Variants in ZNF804A observed in about 807,000 individuals in gnomAD.
ZNF804A encodes zinc finger protein 804A.
In ZNF804A, 2 loss-of-function variants were observed where a neutral mutation model predicts 16.5. The observed-to-expected ratio is 0.12, with a 90% CI of 0.05 to 0.38. The LOEUF is 0.38. ZNF804A is among the 10% of genes least tolerant of loss of function. The pLI, the probability that ZNF804A is intolerant of heterozygous loss-of-function variation, is 0.99. For synonymous variants in ZNF804A, 534 were observed against 489.6 expected (o/e 1.09, Z -1.20); for missense variants, 1,473 against 1,390.7 (o/e 1.06, Z -0.94).
chr2:184,732,043 A>G (rs1233228281), intron 1 of ZNF804A, among the ~76,000 whole-genome samples: 3 of 152,134 alleles, frequency 2.0e-5, no homozygotes, highest in African/African-American at 4.8e-5. Context: ...TGGGTCAGAA[A>G]TGTTTAATTT....
intron 1 of ZNF804A, among the ~76,000 whole-genome samples, chr2:184,855,212 G>A (rs551263178): frequency 8.5e-5 from 13 of 152,146 alleles, no homozygotes; most frequent in Admixed American, 4.6e-4. Flanking sequence ...AATGCAGTAG[G>A]CATGCATAAG....
chr2:184,909,430 A>C (rs1685324080), intron 2 of ZNF804A, among the ~76,000 whole-genome samples: 1 of 152,030 alleles, frequency 6.6e-6, no homozygotes, highest in African/African-American at 2.4e-5. Flanking sequence ...AACAAAATAT[A>C]AAGTTGTTTT....
chr2:184,816,090 G>A (rs1452862407), intron 1 of ZNF804A, among the ~76,000 whole-genome samples: 1 of 152,004 alleles, frequency 6.6e-6, no homozygotes, highest in Non-Finnish European at 1.5e-5. Flanking sequence ...CCTCACTGCT[G>A]ATTCTCGTTT....
intron 1 of ZNF804A, among the ~76,000 whole-genome samples, chr2:184,808,991 C>T (rs2105785798): frequency 6.6e-6 from 1 of 151,852 alleles, no homozygotes; most frequent in East Asian, 1.9e-4. Context: ...CTTAGCTCCT[C>T]TTTATAAATC....
chr2:184,688,655 A>G lies in ZNF804A; in HGVS notation c.111+89585A>G, dbSNP rs575727413. Among the ~76,000 whole-genome samples, 201 of 152,238 alleles carry G rather than the reference A, an allele frequency of 1.3e-3. 2 individuals carry two copies. Among genetic ancestry groups the G allele is most frequent in the African/African-American group, 4.4e-3 (182 of 41,538 alleles). On this transcript the variant is annotated intron_variant, in intron 1 of 3. Coordinates refer to ENST00000302277, the MANE Select transcript of ZNF804A (RefSeq NM_194250.2). ...ATTTTTAATGTTTACTTGACAAGGGATATAAAACTATATTTGATTTCTTGA... is the reference window on the plus strand; with the variant it reads ...ATTTTTAATGTTTACTTGACAAGGGGTATAAAACTATATTTGATTTCTTGA...
At chr2:184,864,969 C>G (rs1258158318) in intron 1 of ZNF804A, among the ~76,000 whole-genome samples, 6 of 147,990 alleles carry the variant, frequency 4.1e-5, no homozygotes, top group Non-Finnish European at 5.9e-5. Flanking sequence ...CAACCTCTGC[C>G]TCCCACGTTC....
intron 1 of ZNF804A, among the ~76,000 whole-genome samples, chr2:184,619,588 AT>A (rs1691385413): frequency 1.3e-5 from 2 of 152,008 alleles, no homozygotes; most frequent in South Asian, 4.1e-4. Context: ...CTAAGTTAGT[AT>A]TTTTATGTAA....
Position 184,938,401 on chromosome 2 carries a change from A to T in ZNF804A, c.3005A>T (p.Gln1002Leu). 1 of 1,614,058 alleles carries T rather than the reference A, an allele frequency of 6.2e-7. No homozygotes were observed. Among genetic ancestry groups the T allele is most frequent in the Non-Finnish European group, 8.5e-7 (1 of 1,179,998 alleles). ...LRYNSGILNT[Q>L]PPLPFKEAHV... ...TATAATTCAGGAATCCTTAACACAC[A>T]ACCACCATTACCATTCAAAGAAGCA... The change falls in exon 4 of 4, where the codon CAA (glutamine) becomes CTA (leucine). Residue 1002 changes from glutamine to leucine, a missense_variant. Gln to Leu is a moderately radical substitution (Grantham distance 113, BLOSUM62 -2). Transcript: ENST00000302277.
chr2:184,736,989 A>G (rs1328045484), intron 1 of ZNF804A, among the ~76,000 whole-genome samples: 3 of 151,528 alleles, frequency 2.0e-5, no homozygotes, highest in Non-Finnish European at 4.4e-5. Context: ...CATTGAGAAT[A>G]AGTTTTGTTG....
chr2:184,885,177 A>G (rs112619210), intron 2 of ZNF804A, among the ~76,000 whole-genome samples: 12 of 152,214 alleles, frequency 7.9e-5, no homozygotes, highest in African/African-American at 2.4e-4. Context: ...AAGGCTAAAA[A>G]TCAAAAAAAC....
rs1005690452 is a variant in ZNF804A at position 184,786,972 on chromosome 2, C to CT, written c.112-79388dup. 6.6e-5 allele frequency among the ~76,000 whole-genome samples: 10 copies of CT among 150,964 alleles called. No individual in the cohort carries two copies. The South Asian group carries it at 1.5e-3, about 22-fold the overall frequency. Reference sequence around the variant, plus strand: ...CAATTTAAAAACTAATATTAATATACTTTTTTTTTATTCATGAGGTACTTG... The same window carrying CT: ...CAATTTAAAAACTAATATTAATATACTTTTTTTTTTATTCATGAGGTACTTG... On this transcript the variant is annotated intron_variant, in intron 1 of 3. Coordinates refer to ENST00000302277, the MANE Select transcript of ZNF804A (RefSeq NM_194250.2).
chr2:184,756,446 T>C lies in ZNF804A; in HGVS notation c.112-109923T>C, dbSNP rs146916645. ...CTAAAGAATTTTGAGTTTTCACTTA[T>C]GTCAGATTCATACACTTATAGAATA... is the stretch of plus-strand genomic sequence containing the variant. On this transcript the variant is annotated intron_variant, in intron 1 of 3. Transcript: ENST00000302277. Among the ~76,000 whole-genome samples, 1,379 of 152,120 alleles carry C rather than the reference T, an allele frequency of 9.1e-3. 23 individuals are homozygous for C. The highest frequency in any genetic ancestry group is 0.032 in the African/African-American group (1,318 of 41,544).
chr2:184,920,979 T>A (rs1685520455), intron 2 of ZNF804A, among the ~76,000 whole-genome samples: 1 of 152,180 alleles, frequency 6.6e-6, no homozygotes, highest in Non-Finnish European at 1.5e-5. Context: ...TTTGTGGTAA[T>A]TTGTTACACC....
At chr2:184,657,758 A>G (rs1388311754) in intron 1 of ZNF804A, among the ~76,000 whole-genome samples, 1 of 152,138 alleles carries the variant, frequency 6.6e-6, no homozygotes, top group Non-Finnish European at 1.5e-5. Flanking sequence ...ATACTTATCT[A>G]ATGGGAGGGA....
At chr2:184,676,645 T>C (rs1574157887) in intron 1 of ZNF804A, among the ~76,000 whole-genome samples, 1 of 151,864 alleles carries the variant, frequency 6.6e-6, no homozygotes, top group East Asian at 1.9e-4. Context: ...TAATGTTTTT[T>C]CTGAAAGCTG....
At chr2:184,729,563 A>G (rs1239601355) in intron 1 of ZNF804A, among the ~76,000 whole-genome samples, 1 of 152,094 alleles carries the variant, frequency 6.6e-6, no homozygotes, top group African/African-American at 2.4e-5. Flanking sequence ...CAATTTACTC[A>G]TCCAAAGTAA....
chr2:184,918,999 C>A (rs1339977309), intron 2 of ZNF804A, among the ~76,000 whole-genome samples: 1 of 152,148 alleles, frequency 6.6e-6, no homozygotes, highest in Admixed American at 6.6e-5. Context: ...TTCTATCAAA[C>A]CAGTTTCTTC....
intron 1 of ZNF804A, among the ~76,000 whole-genome samples, chr2:184,706,415 G>C (rs1439497367): frequency 6.6e-6 from 1 of 152,188 alleles, no homozygotes; most frequent in East Asian, 1.9e-4. Flanking sequence ...AGGCAGTACA[G>C]CGAAAGTGCA....
intron 1 of ZNF804A, among the ~76,000 whole-genome samples, chr2:184,678,653 A>G (rs1377162115): frequency 6.6e-6 from 1 of 152,182 alleles, no homozygotes; most frequent in African/African-American, 2.4e-5. Context: ...ATTTAAGCCT[A>G]CAATTACCAA....
Sources: allele counts gnomAD v4.1 joint callset (sites outside exome capture counted in the v4.1 genomes callset), GRCh38; gene constraint gnomAD v4.1.1; transcripts MANE v1.5; gene names NCBI Gene and HGNC (gene_info 2026-07-23, HGNC 2026-07-21).